The following VDR variants were observed in gnomAD, a reference collection of about 807,000 sequenced individuals.
VDR encodes the protein vitamin D receptor.
In VDR, 19 loss-of-function variants were observed where a neutral mutation model predicts 39.7. That is an observed-to-expected ratio of 0.48 (90% confidence interval 0.33 to 0.70). The LOEUF is 0.70. VDR is among the 30% of genes least tolerant of loss of function. VDR has a pLI of 0.02. For synonymous variants in VDR, 242 were observed against 215.8 expected, an observed-to-expected ratio of 1.12 and a Z score of -1.07; for missense variants, 442 against 570.5, an observed-to-expected ratio of 0.77 and a Z score of 2.29.
In VDR at chr12:47,857,155, CAGG is replaced by C. The variant is rs780778232; in HGVS notation, c.554_556del (p.Ser185del). ...TGAAGAGGTGATACAGTGATCTGAG[CAGG>C]AGGAGGAGGAGTCCCCAGAGAAGCT... On this transcript the variant is annotated inframe_deletion, in exon 6 of 10. Coordinates refer to ENST00000549336, the MANE Select transcript of VDR (RefSeq NM_000376.3). 7.4e-6 allele frequency: 12 copies of C among 1,614,080 alleles called. No homozygotes were observed. In the South Asian group the frequency reaches 8.8e-5, roughly 12 times the overall value.
At chr12:47,885,942 C>T (rs1946244903) in intron 1 of VDR, among the ~76,000 whole-genome samples, 1 of 152,218 alleles carries the variant, frequency 6.6e-6, no homozygotes, top group African/African-American at 2.4e-5. Context: ...GTGAGTGAGA[C>T]TCACTCATCC....
chr12:47,854,375 C>T (rs745971238), intron 7 of VDR, among the ~76,000 whole-genome samples: 1 of 152,056 alleles, frequency 6.6e-6, no homozygotes, highest in Non-Finnish European at 1.5e-5. Context: ...AATCCTCCTA[C>T]CTCAGTCTCT....
chr12:47,903,142 T>C (rs1946599136), intron 1 of VDR, among the ~76,000 whole-genome samples: 1 of 152,250 alleles, frequency 6.6e-6, no homozygotes, highest in Admixed American at 6.5e-5. Flanking sequence ...ACTCTCATTT[T>C]TTCCCCTCCT....
intron 3 of VDR, among the ~76,000 whole-genome samples, chr12:47,865,458 C>T (rs1286258761): frequency 6.6e-6 from 1 of 152,190 alleles, no homozygotes; most frequent in African/African-American, 2.4e-5. Context: ...GTAGCCCAGG[C>T]TGGAATGCAG....
At chr12:47,846,498 C>T (rs1362471258) in intron 8 of VDR, 47 bp from the exon 9 acceptor site, 2 of 1,550,804 alleles carry the variant, frequency 1.3e-6, no homozygotes, top group Non-Finnish European at 1.7e-6. Flanking sequence ...TGAGGAGCCG[C>T]CCACCCACCT....
intron 3 of VDR, 70 bp downstream of exon 3, chr12:47,878,898 T>G: frequency 6.2e-7 from 1 of 1,611,930 alleles, no homozygotes; most frequent in Non-Finnish European, 8.5e-7. Flanking sequence ...ATGCAAGGGC[T>G]CCCTTCATGG....
At chr12:47,846,917 C>G (rs1433047372) in intron 7 of VDR, 109 bp from the exon 8 acceptor site, 1 of 1,330,410 alleles carries the variant, frequency 7.5e-7, no homozygotes, top group Non-Finnish European at 1.1e-6. Flanking sequence ...CAACATGCAC[C>G]CTGGGTCTTT....
intron 1 of VDR, among the ~76,000 whole-genome samples, chr12:47,892,292 A>G (rs191435286): frequency 6.7e-4 from 102 of 152,326 alleles, no homozygotes; most frequent in African/African-American, 2.4e-3. Flanking sequence ...GAGGGTGGAC[A>G]CTTCCCCTGT....
At chr12:47,857,842 G>C (rs1272221231) in intron 4 of VDR, among the ~76,000 whole-genome samples, 154 bp from the exon 5 acceptor site, 1 of 152,134 alleles carries the variant, frequency 6.6e-6, no homozygotes, top group African/African-American at 2.4e-5. Flanking sequence ...CCACTCCACT[G>C]TGTGAAGAAA....
chr12:47,904,115 GAGGAGGAGGAGA>G (rs1946621173), intron 1 of VDR, among the ~76,000 whole-genome samples: 1 of 151,872 alleles, frequency 6.6e-6, no homozygotes, highest in Non-Finnish European at 1.5e-5. Flanking sequence ...GGAGGAGGAG[GAGGAGGAGGAGA>G]AGGAGGAGGA....
intron 1 of VDR, among the ~76,000 whole-genome samples, chr12:47,893,988 C>A (rs1250749541): frequency 1.3e-5 from 2 of 152,200 alleles, no homozygotes; most frequent in African/African-American, 4.8e-5. Flanking sequence ...GTTTTCTTCC[C>A]CAGGGCCACA....
At chr12:47,846,120 T>C (rs182932791) in intron 9 of VDR, among the ~76,000 whole-genome samples, 1 of 152,324 alleles carries the variant, frequency 6.6e-6, no homozygotes, top group Non-Finnish European at 1.5e-5. Context: ...ACGAATCGCC[T>C]GCACACTCTG....
At chr12:47,853,446 TAAAA>T (rs60854792) in intron 7 of VDR, among the ~76,000 whole-genome samples, 3 of 112,648 alleles carry the variant, frequency 2.7e-5, no homozygotes, top group African/African-American at 3.1e-5. Flanking sequence ...CTGCCTCAAT[TAAAA>T]AAAAAAAAAA....
chr12:47,888,772 A>C (rs960813737), intron 1 of VDR, among the ~76,000 whole-genome samples: 1 of 152,136 alleles, frequency 6.6e-6, no homozygotes, highest in Non-Finnish European at 1.5e-5. Flanking sequence ...GGAGGGGAAG[A>C]TGGGGAGAGG....
intron 1 of VDR, among the ~76,000 whole-genome samples, chr12:47,892,831 T>C (rs150417721): frequency 2.0e-5 from 3 of 152,214 alleles, no homozygotes; most frequent in East Asian, 1.9e-4. Flanking sequence ...CTCATCTTGG[T>C]GAGAAAAGAG....
At chr12:47,882,640 C>T (rs886915164) in intron 2 of VDR, 54 bp downstream of exon 2, 17 of 714,530 alleles carry the variant, frequency 2.4e-5, no homozygotes, top group African/African-American at 5.5e-5. Flanking sequence ...CCCCCCACCC[C>T]GCCCCTTGAA....
chr12:47,871,292 C>CTCTTTCTTTCTTTCTTCCTTCCTTTCTT (rs1555153493), intron 3 of VDR, among the ~76,000 whole-genome samples: 3 of 79,854 alleles, frequency 3.8e-5, no homozygotes, highest in African/African-American at 1.4e-4. Context: ...CTTTCTCTTT[C>CTCTTTCTTTCTTTCTTCCTTCCTTTCTT]TCTTTCTTTC....
At position 47,857,173 on chromosome 12, in the gene VDR, C is replaced by T; in HGVS notation, c.539G>A (p.Gly180Glu). The T allele has an allele frequency of 6.2e-7, 1 of 1,614,152 alleles. No homozygotes were observed. Among genetic ancestry groups the T allele is most frequent in the Admixed American group, 1.7e-5 (1 of 60,020 alleles). Residue 180 changes from glycine to glutamate, a missense_variant, in exon 6 of 10, where the codon GGG becomes GAG. Coordinates refer to ENST00000549336, the MANE Select transcript of VDR (RefSeq NM_000376.3). ...ATCTGAGCAGGAGGAGGAGGAGTCC[C>T]CAGAGAAGCTGGGAGTGTGTCTGGA... is the stretch of plus-strand genomic sequence containing the variant. ...PNSRHTPSFS[G>E]DSSSSCSDHC...
intron 1 of VDR, among the ~76,000 whole-genome samples, chr12:47,891,856 C>T (rs2137234689): frequency 6.6e-6 from 1 of 152,270 alleles, no homozygotes; most frequent in East Asian, 1.9e-4. Flanking sequence ...TCCAGGATGC[C>T]GATGCCCCGC....
Sources: allele counts gnomAD v4.1 joint callset (sites outside exome capture counted in the v4.1 genomes callset), GRCh38; gene constraint gnomAD v4.1.1; transcripts MANE v1.5; gene names NCBI Gene and HGNC (gene_info 2026-07-23, HGNC 2026-07-21).